AKAP13: variants seen among roughly 807,000 people sequenced by gnomAD.
AKAP13 encodes A-kinase anchor protein 13.
A neutral mutation model predicts 264.5 loss-of-function variants in AKAP13; 80 were observed. The ratio of observed to expected loss-of-function variants is 0.30; its 90% CI spans 0.25 to 0.36. AKAP13 has a LOEUF of 0.36. AKAP13 is among the 10% of genes least tolerant of loss of function. AKAP13 has a pLI of 1.00. For missense variants in AKAP13, 3,712 were observed against 3,435.2 expected (o/e 1.08, Z -2.01); for synonymous variants, 1,380 against 1,250.2 (o/e 1.10, Z -2.19).
intron 13 of AKAP13, among the ~76,000 whole-genome samples, chr15:85,669,255 A>G (rs2083782700): frequency 6.6e-6 from 1 of 152,170 alleles, no homozygotes; most frequent in Admixed American, 6.5e-5. Flanking sequence ...ATAATAATAA[A>G]TAAAGTAAAA....
chr15:85,597,411 A>G (rs1340574041), intron 8 of AKAP13, among the ~76,000 whole-genome samples: 2 of 152,198 alleles, frequency 1.3e-5, no homozygotes, highest in African/African-American at 2.4e-5. Flanking sequence ...AAACCTCTCC[A>G]GTGTTTCTGC....
At chr15:85,548,744 T>G (rs1392596146) in intron 5 of AKAP13, among the ~76,000 whole-genome samples, 1 of 152,180 alleles carries the variant, frequency 6.6e-6, no homozygotes, top group Non-Finnish European at 1.5e-5. Flanking sequence ...ACCAGATATC[T>G]TGTTTTGTAA....
intron 13 of AKAP13, among the ~76,000 whole-genome samples, chr15:85,666,092 A>T (rs1442981289): frequency 6.6e-6 from 1 of 152,202 alleles, no homozygotes; most frequent in African/African-American, 2.4e-5. Flanking sequence ...ATCCTTGAGG[A>T]ATCGCCACAC....
At chr15:85,648,150 C>A (rs2082643555) in intron 10 of AKAP13, among the ~76,000 whole-genome samples, 1 of 152,132 alleles carries the variant, frequency 6.6e-6, no homozygotes, top group Admixed American at 6.5e-5. Context: ...TAAAAACATA[C>A]TGAGATAAAC....
intron 2 of AKAP13, among the ~76,000 whole-genome samples, chr15:85,498,378 C>G (rs1484975506): frequency 6.6e-6 from 1 of 152,058 alleles, no homozygotes; most frequent in African/African-American, 2.4e-5. Context: ...GAGCTCTTTC[C>G]CTTGTTAGCT....
chr15:85,614,421 G>A (rs990347861), intron 8 of AKAP13, among the ~76,000 whole-genome samples: 4 of 152,128 alleles, frequency 2.6e-5, no homozygotes, highest in African/African-American at 9.7e-5. Flanking sequence ...TTCTATTTTT[G>A]TAAGATATTA....
intron 1 of AKAP13, among the ~76,000 whole-genome samples, chr15:85,432,363 A>G (rs999061531): frequency 6.6e-6 from 1 of 151,918 alleles, no homozygotes; most frequent in Non-Finnish European, 1.5e-5. Context: ...CTCTCTGCAA[A>G]TCTTAAAAAA....
At chr15:85,720,678 G>A (rs537271596) in intron 23 of AKAP13, among the ~76,000 whole-genome samples, 1 of 152,230 alleles carries the variant, frequency 6.6e-6, no homozygotes, top group African/African-American at 2.4e-5. Flanking sequence ...ATCTGCTGCT[G>A]TGTAGAAGCA....
intron 1 of AKAP13, 64 bp from the exon 2 acceptor site, chr15:85,485,646 G>A: frequency 6.8e-7 from 1 of 1,460,172 alleles, no homozygotes. Context: ...AGGACTTTAG[G>A]TGGCTTATAT....
rs1032459653 is a variant in AKAP13 at position 85,611,877 on chromosome 15, C to T, written c.4161+26054C>T. On this transcript the variant is annotated intron_variant, in intron 8 of 36. Transcript: ENST00000394518. ...GCTTTCCTTGCCTGCCTCCCTACAG[C>T]ACCATCCACACATATACACCCTTTG... 6.2e-4 allele frequency among the ~76,000 whole-genome samples: 95 copies of T among 152,228 alleles called. 1 individual carries two copies. The highest frequency in any genetic ancestry group is 2.2e-3 in the African/African-American group (93 of 41,536).
Position 85,579,168 on chromosome 15 carries a change from G to C in AKAP13, c.1100G>C (p.Arg367Pro). Residue 367 changes from arginine (R) to proline (P), a missense_variant, in exon 7 of 37, where the codon CGT becomes CCT. Physicochemically the swap from Arg to Pro is moderately radical, Grantham distance 103. This residue lies in a region of AKAP13 where 2,759 missense variants were observed against 2,411.7 expected (regional missense o/e 1.14). Coordinates refer to ENST00000394518, the MANE Select transcript of AKAP13 (RefSeq NM_007200.5). ...ATAGTTGAGGAGGAGAATACAGACCGTTCCTGTAGGAAGAAAAATAAAGGC... is the reference window on the plus strand; with the variant it reads ...ATAGTTGAGGAGGAGAATACAGACCCTTCCTGTAGGAAGAAAAATAAAGGC... ...SSIVEEENTD[R>P]SCRKKNKGVE... 1 of 1,614,146 alleles carries C rather than the reference G, an allele frequency of 6.2e-7. No homozygotes were observed. The highest frequency in any genetic ancestry group is 8.5e-7 in the Non-Finnish European group (1 of 1,180,020).
chr15:85,579,852 A>G lies in AKAP13; in HGVS notation c.1784A>G (p.Asp595Gly). Residue 595 changes from aspartate (D) to glycine (G), a missense_variant, in exon 7 of 37, where the codon GAC becomes GGC. Physicochemically the swap from Asp to Gly is moderately conservative, Grantham distance 94. Transcript: ENST00000394518. Reference protein sequence around the residue: ...NSVVIPAAAKDKISDGLEPYT... With the variant: ...NSVVIPAAAKGKISDGLEPYT... ...GTGGTGATTCCAGCTGCTGCAAAAG[A>G]CAAGATTTCAGATGGATTAGAACCT... is the stretch of plus-strand genomic sequence containing the variant. The G allele has an allele frequency of 1.9e-6, 3 of 1,614,200 alleles. No individual in the cohort carries two copies. Among genetic ancestry groups the G allele is most frequent in the Non-Finnish European group, 2.5e-6 (3 of 1,180,032 alleles).
At chr15:85,526,592 A>C (rs1020206635) in intron 3 of AKAP13, among the ~76,000 whole-genome samples, 1 of 152,156 alleles carries the variant, frequency 6.6e-6, no homozygotes, top group Non-Finnish European at 1.5e-5. Context: ...TCGTCAACCA[A>C]GAATTACTTT....
intron 9 of AKAP13, among the ~76,000 whole-genome samples, chr15:85,645,388 G>C (rs867592672): frequency 8.5e-5 from 13 of 152,236 alleles, no homozygotes; most frequent in Middle Eastern, 6.8e-3. Flanking sequence ...TTACTCAGTA[G>C]AACCTATAAG....
intron 23 of AKAP13, among the ~76,000 whole-genome samples, chr15:85,720,664 A>G (rs1211553900): frequency 6.6e-6 from 1 of 152,234 alleles, no homozygotes; most frequent in East Asian, 1.9e-4. Flanking sequence ...GATTTTGGGC[A>G]AATATCTGCT....
chr15:85,593,388 C>A (rs2079667825), intron 8 of AKAP13, among the ~76,000 whole-genome samples: 1 of 151,908 alleles, frequency 6.6e-6, no homozygotes, highest in Non-Finnish European at 1.5e-5. Context: ...ACCAAAAGGA[C>A]AATCATGAGG....
At chr15:85,477,117 A>G (rs1440491991) in intron 1 of AKAP13, among the ~76,000 whole-genome samples, 1 of 151,958 alleles carries the variant, frequency 6.6e-6, no homozygotes, top group Non-Finnish European at 1.5e-5. Flanking sequence ...GAACTCCCTA[A>G]AGTAAAGGCA....
At chr15:85,459,657 G>A (rs1383667658) in intron 1 of AKAP13, among the ~76,000 whole-genome samples, 2 of 151,690 alleles carry the variant, frequency 1.3e-5, no homozygotes, top group African/African-American at 4.8e-5. Flanking sequence ...CCGCCACAAC[G>A]CCCAGCTAAT....
At position 85,724,518 on chromosome 15, in the gene AKAP13, G is replaced by A. The variant is rs200134084; in HGVS notation, c.6745+1198G>A. On this transcript the variant is annotated intron_variant, in intron 26 of 36. Transcript: ENST00000394518. This position sits in a 1 kb window ranked among gnomAD's most constrained non-coding sequence, Gnocchi z 4.2. ...AAGAGTGGACACCCGGGACTCTCAC[G>A]TGAGAGAGCAGAGTGAATGACAGGG... Among the ~76,000 whole-genome samples, 1 of 624 alleles carries A rather than the reference G, an allele frequency of 1.6e-3. No individual in the cohort carries two copies. Among genetic ancestry groups the A allele is most frequent in the South Asian group, 0.029 (1 of 34 alleles). 0.4% of individuals were successfully genotyped at this position (624 alleles called of 152,430 possible).
Sources: gnomAD v4.1 joint callset for allele counts (sites outside exome capture counted in the v4.1 genomes callset) on GRCh38, gnomAD v4.1.1 for gene constraint, gnomAD v4.1.1 regional missense constraint, Gnocchi (gnomAD v3.1) non-coding constraint, MANE v1.5 for transcripts, NCBI Gene and HGNC (gene_info 2026-07-23, HGNC 2026-07-21) for gene names.